Variants in TRPM4 observed in about 807,000 individuals in gnomAD.
TRPM4 encodes calcium-activated non-selective cation channel 1.
Under a neutral mutation model 135.6 loss-of-function variants are expected in TRPM4, and 124 were observed. That is an observed-to-expected ratio of 0.91 (90% CI 0.79 to 1.06). The LOEUF (loss-of-function observed/expected upper bound fraction) is 1.06. Ranked by LOEUF, TRPM4 falls within the 50% of genes least tolerant of loss-of-function variation. The pLI, the probability that TRPM4 is intolerant of heterozygous loss-of-function variation, is 0.00. For synonymous variants in TRPM4, 745 were observed against 705.6 expected (o/e 1.06, Z -0.88); for missense variants, 1,658 against 1,671.4 (o/e 0.99, Z 0.14).
intron 6 of TRPM4, among the ~76,000 whole-genome samples, chr19:49,170,075 C>A (rs1967395377): frequency 6.6e-6 from 1 of 152,104 alleles, no homozygotes; most frequent in Non-Finnish European, 1.5e-5. Flanking sequence ...TTACAAAAAA[C>A]CAAAAACCAA....
chr19:49,182,579 C>A lies in TRPM4; in HGVS notation c.1265C>A (p.Ser422Tyr), dbSNP rs774660028. 6.2e-7 allele frequency: 1 copy of A among 1,612,686 alleles called. No individual in the cohort carries two copies. Among genetic ancestry groups the A allele is most frequent in the East Asian group, 2.2e-5 (1 of 44,886 alleles). The change falls in exon 11 of 25, where the codon TCC becomes TAC. Residue 422 changes from serine to tyrosine, a missense_variant and splice_region_variant. Transcript: ENST00000252826. Reference protein sequence around the residue: ...ELFRGDIQWRSFHLEASLMDA... With the variant: ...ELFRGDIQWRYFHLEASLMDA... ...CCCCTATTCATCCCACCCTGCCAGT[C>A]CTTCCATCTCGAAGCTTCCCTCATG...
chr19:49,175,067 CTTTTTTTTTTT>C (rs772062913), intron 9 of TRPM4, among the ~76,000 whole-genome samples: 8 of 77,582 alleles, frequency 1.0e-4, no homozygotes, highest in African/African-American at 1.5e-4. Flanking sequence ...TCATGCCTGG[CTTTTTTTTTTT>C]TTTTTTTTTT....
At chr19:49,182,501 C>CATCCATCT in intron 10 of TRPM4, 77 bp from the exon 11 acceptor site, 4 of 1,128,124 alleles carry the variant, frequency 3.5e-6, no homozygotes. Context: ...TCCATCCATC[C>CATCCATCT]GTCCCTCATA....
chr19:49,191,034 A>T (rs981806358), intron 16 of TRPM4, among the ~76,000 whole-genome samples: 3 of 152,108 alleles, frequency 2.0e-5, no homozygotes, highest in Non-Finnish European at 4.4e-5. Context: ...CCAGTGTATC[A>T]CATGGCGAGA....
At position 49,158,098 on chromosome 19, in the gene TRPM4, G is replaced by C. The variant is rs1713745162; in HGVS notation, c.25-94G>C. The C allele has an allele frequency of 3.6e-6, 5 of 1,375,584 alleles. No individual in the cohort carries two copies. The Admixed American group carries it at 6.7e-5, about 19-fold the overall frequency. The allele number at this position is 1,375,584 out of a possible 1,614,324, so 85.2% of individuals were successfully genotyped here. Reference sequence around the variant, plus strand: ...GGGGGCCCGGACTCCTGTGTCCGTGGGGAGCGCACGGGGTGGGTGGCTCTG... The same window carrying C: ...GGGGGCCCGGACTCCTGTGTCCGTGCGGAGCGCACGGGGTGGGTGGCTCTG... On this transcript the variant is annotated intron_variant, in intron 1 of 24. Coordinates refer to ENST00000252826, the MANE Select transcript of TRPM4 (RefSeq NM_017636.4).
Position 49,211,441 on chromosome 19 carries a change from GTC to G in TRPM4, c.3641-48_3641-47del, listed in dbSNP as rs1385526265. On this transcript the variant is annotated intron_variant, in intron 24 of 24. Transcript: ENST00000252826. This position sits in a 1 kb window ranked among gnomAD's most constrained non-coding sequence, Gnocchi z 4.8. ...TTTTTGCCAGTCTCCCAGTTTTTCT[GTC>G]TCTCCCCTTCCCTGCCAATCACCTG... is the stretch of plus-strand genomic sequence containing the variant. 1.5e-5 allele frequency: 25 copies of G among 1,613,102 alleles called. No individual in the cohort carries two copies. Among genetic ancestry groups the G allele is most frequent in the Non-Finnish European group, 2.0e-5 (24 of 1,179,914 alleles).
rs1246864602 is a variant in TRPM4 at position 49,189,002 on chromosome 19, C to T, written c.1930C>T (p.Arg644Cys). ...GGTGAGGGCTGCCCGCCTCCTCCTC[C>T]GTCGCTGCCCGCTCTGGGGGGATGC... is the stretch of plus-strand genomic sequence containing the variant. ...SEVRAARLLL[R>C]RCPLWGDATC... Residue 644 changes from arginine (R) to cysteine (C), a missense_variant, in exon 14 of 25, where the codon CGT becomes TGT. Physicochemically the swap from Arg to Cys is radical, Grantham distance 180 (BLOSUM62 -3). Coordinates refer to ENST00000252826, the MANE Select transcript of TRPM4 (RefSeq NM_017636.4). 3 of 1,614,170 alleles carry T rather than the reference C, an allele frequency of 1.9e-6. No homozygotes were observed. Among genetic ancestry groups the T allele is most frequent in the Non-Finnish European group, 8.5e-7 (1 of 1,180,038 alleles).
At chr19:49,167,388 G>A (rs1967247049) in intron 3 of TRPM4, among the ~76,000 whole-genome samples, 1 of 114,294 alleles carries the variant, frequency 8.7e-6, no homozygotes, top group Admixed American at 8.3e-5. Flanking sequence ...CGTCTCTCCG[G>A]GTCTCTGTTT....
intron 20 of TRPM4, among the ~76,000 whole-genome samples, chr19:49,202,491 T>G (rs556538355): frequency 8.2e-4 from 125 of 152,106 alleles, no homozygotes; most frequent in African/African-American, 3.0e-3. Context: ...CTACTTAAAA[T>G]TAGCCAGGCC....
chr19:49,183,179 C>T lies in TRPM4; in HGVS notation c.1710C>T (p.Asn570=), dbSNP rs1600462441. Residue 570 remains asparagine, a synonymous_variant, in exon 12 of 25, where the codon AAC becomes AAT. Coordinates refer to ENST00000252826, the MANE Select transcript of TRPM4 (RefSeq NM_017636.4). ...TGCTTCTTTGGGCACTGTTGCTGAACAGGGCACAGATGGCCATGTACTTCT... is the reference window on the plus strand; with the variant it reads ...TGCTTCTTTGGGCACTGTTGCTGAATAGGGCACAGATGGCCATGTACTTCT... ...SDLLLWALLL[N]RAQMAMYFWE... 2 of 1,614,158 alleles carry T rather than the reference C, an allele frequency of 1.2e-6. No homozygotes were observed. Among genetic ancestry groups the T allele is most frequent in the Non-Finnish European group, 8.5e-7 (1 of 1,180,018 alleles).
intron 9 of TRPM4, among the ~76,000 whole-genome samples, chr19:49,174,585 A>C (rs1225049404): frequency 6.6e-6 from 1 of 151,986 alleles, no homozygotes; most frequent in Non-Finnish European, 1.5e-5. Flanking sequence ...GCATGGTGAA[A>C]TGCCACCTCT....
intron 2 of TRPM4, among the ~76,000 whole-genome samples, chr19:49,160,799 C>T (rs554882149): frequency 2.0e-5 from 3 of 151,818 alleles, no homozygotes; most frequent in South Asian, 2.1e-4. Context: ...CTGTAGAGAG[C>T]GTCTGAGCGG....
At chr19:49,180,188 C>T (rs1967861080) in intron 9 of TRPM4, among the ~76,000 whole-genome samples, 1 of 152,186 alleles carries the variant, frequency 6.6e-6, no homozygotes, top group South Asian at 2.1e-4. Context: ...AAACCTAACT[C>T]CATGTCACGA....
chr19:49,165,030 A>G (rs896126954), intron 2 of TRPM4, among the ~76,000 whole-genome samples: 6 of 152,166 alleles, frequency 3.9e-5, no homozygotes, highest in African/African-American at 9.7e-5. Context: ...GGCATGAGCC[A>G]TCATACCCGA....
chr19:49,204,803 C>T (rs1472873773), intron 20 of TRPM4, among the ~76,000 whole-genome samples: 3 of 151,304 alleles, frequency 2.0e-5, no homozygotes, highest in African/African-American at 7.3e-5. Flanking sequence ...TTGTGATCCA[C>T]CCATCTCGGC....
At chr19:49,166,348 C>G in intron 3 of TRPM4, 133 bp downstream of exon 3, 1 of 893,894 alleles carries the variant, frequency 1.1e-6, no homozygotes, top group Non-Finnish European at 1.7e-6. Context: ...TTTGTCCCCT[C>G]CGCCCCACCT....
chr19:49,179,762 G>T (rs757269966), intron 9 of TRPM4, among the ~76,000 whole-genome samples: 5 of 152,228 alleles, frequency 3.3e-5, no homozygotes, highest in Admixed American at 6.5e-5. Flanking sequence ...CTGAATGGAC[G>T]TCTGGGTTTT....
intron 6 of TRPM4, among the ~76,000 whole-genome samples, chr19:49,170,285 T>A (rs1382198434): frequency 6.6e-6 from 1 of 151,936 alleles, no homozygotes; most frequent in African/African-American, 2.4e-5. Flanking sequence ...GCCTCCTAGG[T>A]TCAAGCGTTT....
At position 49,183,458 on chromosome 19, in the gene TRPM4, G is replaced by T. The variant is rs148189030; in HGVS notation, c.1743+246G>T. The stretch of plus-strand genomic sequence containing the variant: ...GTCGCCCAGGCTGCAGTGCAGTGGC[G>T]CAATCTTGGCTTACTGCACCCTCAG... On this transcript the variant is annotated intron_variant, in intron 12 of 24. Coordinates refer to ENST00000252826, the MANE Select transcript of TRPM4 (RefSeq NM_017636.4). Among the ~76,000 whole-genome samples, 2,056 of 151,538 alleles carry T rather than the reference G, an allele frequency of 0.014. 42 individuals carry two copies. Among genetic ancestry groups the T allele is most frequent in the Middle Eastern group, 0.024 (7 of 290 alleles).
Sources: gnomAD v4.1 joint callset for allele counts (sites outside exome capture counted in the v4.1 genomes callset) on GRCh38, gnomAD v4.1.1 for gene constraint, Gnocchi (gnomAD v3.1) non-coding constraint, MANE v1.5 for transcripts, NCBI Gene and HGNC (gene_info 2026-07-23, HGNC 2026-07-21) for gene names.